The following KCND2 variants were observed in gnomAD, a reference collection of about 807,000 sequenced individuals.
The protein encoded by KCND2 is potassium voltage-gated channel subfamily D member 2, also known as A-type voltage-gated potassium channel KCND2.
A neutral mutation model predicts 54.4 loss-of-function variants in KCND2; 16 were observed. The ratio of observed to expected loss-of-function variants is 0.29; its 90% CI spans 0.20 to 0.45. The LOEUF is 0.45. KCND2 is among the 20% of genes least tolerant of loss of function. KCND2 has a pLI of 1.00. For missense variants in KCND2, 486 were observed against 824.2 expected, an observed-to-expected ratio of 0.59 and a Z score of 5.02; for synonymous variants, 317 against 310.7, an observed-to-expected ratio of 1.02 and a Z score of -0.21.
chr7:120,569,210 C>T (rs1331650794), intron 1 of KCND2, among the ~76,000 whole-genome samples: 1 of 152,052 alleles, frequency 6.6e-6, no homozygotes, highest in African/African-American at 2.4e-5. Flanking sequence ...TCATCTTCCT[C>T]GGCACAGTGT....
At chr7:120,375,310 A>T (rs1414013557) in intron 1 of KCND2, among the ~76,000 whole-genome samples, 1 of 151,874 alleles carries the variant, frequency 6.6e-6, no homozygotes, top group East Asian at 1.9e-4. Context: ...CGTATTAAAA[A>T]GTTATTCACC....
chr7:120,397,576 TATTG>T (rs1194591367), intron 1 of KCND2, among the ~76,000 whole-genome samples: 6 of 152,034 alleles, frequency 3.9e-5, no homozygotes, highest in Non-Finnish European at 8.8e-5. Context: ...CTTTAAAATG[TATTG>T]ATTAACAGCT....
intron 1 of KCND2, among the ~76,000 whole-genome samples, chr7:120,618,657 A>G (rs1793059299): frequency 6.6e-6 from 1 of 152,046 alleles, no homozygotes; most frequent in Admixed American, 6.6e-5. Context: ...TCTCTATCAT[A>G]TTAGTGATTA....
intron 3 of KCND2, 133 bp from the exon 4 acceptor site, chr7:120,742,377 T>C: frequency 1.3e-6 from 1 of 763,442 alleles, no homozygotes; most frequent in Non-Finnish European, 2.4e-6. Flanking sequence ...ACTGCACATT[T>C]GTTCCTTTCT....
chr7:120,719,211 CCAGA>C (rs943346240), intron 1 of KCND2, among the ~76,000 whole-genome samples: 5 of 152,128 alleles, frequency 3.3e-5, no homozygotes, highest in African/African-American at 1.2e-4. Flanking sequence ...TTTTATCTAA[CCAGA>C]CAATTTTATT....
intron 1 of KCND2, among the ~76,000 whole-genome samples, chr7:120,297,997 A>G (rs1413826792): frequency 7.2e-5 from 11 of 152,172 alleles, no homozygotes; most frequent in Non-Finnish European, 1.5e-4. Context: ...TGGCTATTCA[A>G]CATCTGGAAT....
intron 1 of KCND2, among the ~76,000 whole-genome samples, chr7:120,703,204 A>G (rs916746461): frequency 6.6e-6 from 1 of 152,198 alleles, no homozygotes; most frequent in African/African-American, 2.4e-5. Flanking sequence ...TCACTGGCAC[A>G]TCAGCTGGAT....
intron 1 of KCND2, among the ~76,000 whole-genome samples, chr7:120,440,047 A>G (rs1801926101): frequency 6.6e-6 from 1 of 152,138 alleles, no homozygotes; most frequent in South Asian, 2.1e-4. Context: ...TGGCAGTTCT[A>G]TTTTTAATTT....
intron 1 of KCND2, among the ~76,000 whole-genome samples, chr7:120,427,558 C>T (rs961903473): frequency 1.3e-5 from 2 of 152,134 alleles, no homozygotes; most frequent in South Asian, 4.1e-4. Context: ...GCTCTGGTAT[C>T]AAGTACAATG....
At chr7:120,586,222 AATG>A (rs1377730662) in intron 1 of KCND2, among the ~76,000 whole-genome samples, 7 of 152,196 alleles carry the variant, frequency 4.6e-5, no homozygotes, top group Admixed American at 3.3e-4. Context: ...ATGGCTACAG[AATG>A]ATGATAACAT....
chr7:120,455,850 C>A (rs1249170752), intron 1 of KCND2, among the ~76,000 whole-genome samples: 1 of 152,040 alleles, frequency 6.6e-6, no homozygotes, highest in African/African-American at 2.4e-5. Context: ...GGAAAAACTA[C>A]CTATTAAGTA....
intron 1 of KCND2, among the ~76,000 whole-genome samples, chr7:120,551,142 C>A (rs1478067330): frequency 6.6e-6 from 1 of 152,146 alleles, no homozygotes; most frequent in South Asian, 2.1e-4. Context: ...AAGAGAGATT[C>A]TCTGGGGAAT....
chr7:120,592,150 A>G (rs937436225), intron 1 of KCND2, among the ~76,000 whole-genome samples: 3 of 152,202 alleles, frequency 2.0e-5, no homozygotes, highest in African/African-American at 7.2e-5. Context: ...ATGTTTAGTC[A>G]CCAAGTGCAG....
chr7:120,307,010 T>C (rs949060689), intron 1 of KCND2, among the ~76,000 whole-genome samples: 1 of 152,186 alleles, frequency 6.6e-6, no homozygotes, highest in South Asian at 2.1e-4. Flanking sequence ...CAGGCCTAAA[T>C]AGCCTTAGGT....
intron 1 of KCND2, among the ~76,000 whole-genome samples, chr7:120,423,944 A>T (rs1801664194): frequency 6.6e-6 from 1 of 152,206 alleles, no homozygotes; most frequent in African/African-American, 2.4e-5. Context: ...TTTGTATGAC[A>T]AATGTGCTTT....
rs116873124 is a variant in KCND2 at position 120,474,513 on chromosome 7, T to C, written c.1115+198766T>C. Among the ~76,000 whole-genome samples, 521 of 151,186 alleles carry C rather than the reference T, an allele frequency of 3.4e-3. 17 individuals are homozygous for C. In the East Asian group the frequency reaches 0.081, roughly 24 times the overall value. On this transcript the variant is annotated intron_variant, in intron 1 of 5. Coordinates refer to ENST00000331113, the MANE Select transcript of KCND2 (RefSeq NM_012281.3). ...CCACCATGCCCAGCTAATTTTCTTT[T>C]TCTTTACTTTTTTTTTTTTTTGGCA...
intron 1 of KCND2, among the ~76,000 whole-genome samples, chr7:120,657,339 G>A (rs185242210): frequency 2.0e-5 from 3 of 152,146 alleles, no homozygotes; most frequent in Non-Finnish European, 4.4e-5. Flanking sequence ...GTGAAAACAG[G>A]CATTGATATC....
At position 120,666,467 on chromosome 7, in the gene KCND2, A is replaced by G. The variant is rs536529551; in HGVS notation, c.1116-66436A>G. ...CTAGTATGAACATAATACAATTTTG[A>G]TAAAAATAGAGCCACGGAATGTAAA... On this transcript the variant is annotated intron_variant, in intron 1 of 5. Coordinates refer to ENST00000331113, the MANE Select transcript of KCND2 (RefSeq NM_012281.3). Among the ~76,000 whole-genome samples the G allele has an allele frequency of 3.3e-5, 5 of 152,108 alleles. No individual in the cohort carries two copies. The East Asian group carries it at 9.6e-4, about 29-fold the overall frequency.
At chr7:120,424,830 T>C (rs971885919) in intron 1 of KCND2, among the ~76,000 whole-genome samples, 6 of 152,248 alleles carry the variant, frequency 3.9e-5, no homozygotes, top group African/African-American at 7.2e-5. Flanking sequence ...TTAGTCTACC[T>C]CTTAATCTAA....
Sources: allele counts gnomAD v4.1 joint callset (sites outside exome capture counted in the v4.1 genomes callset), GRCh38; gene constraint gnomAD v4.1.1; transcripts MANE v1.5; gene names NCBI Gene and HGNC (gene_info 2026-07-23, HGNC 2026-07-21).